ZNF347: variants seen among roughly 807,000 people sequenced by gnomAD.
ZNF347 encodes the protein zinc finger protein 347, also known as CTD-2620I22.7.
In ZNF347, 19 loss-of-function variants were observed where a neutral mutation model predicts 12.9. The ratio of observed to expected loss-of-function variants is 1.47; its 90% CI spans 1.03 to 2.16. ZNF347 has a LOEUF of 2.16. ZNF347 is among the 30% of genes most tolerant of loss of function. The pLI, the probability that ZNF347 is intolerant of heterozygous loss-of-function variation, is 0.00. For missense variants in ZNF347, 1,005 were observed against 990.6 expected, an observed-to-expected ratio of 1.01 and a Z score of -0.19; for synonymous variants, 328 against 340.6, an observed-to-expected ratio of 0.96 and a Z score of 0.41.
rs2090392101 is a variant in ZNF347, at chr19:53,137,167, T to A, written c.*3141A>T. On this transcript the variant is annotated 3_prime_UTR_variant, in exon 5 of 5. Transcript: ENST00000334197. ...TCCCAAAGTGCTGGGATTACAGGCA[T>A]GAGCCTGTAATTTCTGGCCATGCCT... The A allele has an allele frequency of 6.6e-6, 1 of 152,222 alleles. No individual in the cohort carries two copies. The highest frequency in any genetic ancestry group is 2.4e-5 in the African/African-American group (1 of 41,446). 9.4% of individuals were successfully genotyped at this position (152,222 alleles called of 1,614,324 possible). A position where few individuals can be genotyped will look rare whatever the true frequency, so the allele number is the denominator to read the frequency against.
intron 4 of ZNF347, among the ~76,000 whole-genome samples, chr19:53,145,317 A>G (rs1599855278): frequency 6.6e-6 from 1 of 151,782 alleles, no homozygotes; most frequent in East Asian, 1.9e-4. Flanking sequence ...GAAGATACAA[A>G]AACACATGGA....
chr19:53,152,388 C>T (rs530141160), intron 2 of ZNF347, among the ~76,000 whole-genome samples: 4 of 151,990 alleles, frequency 2.6e-5, no homozygotes, highest in Admixed American at 2.0e-4. Context: ...GGGCTGATCA[C>T]TTCAGGTCAA....
chr19:53,156,655 T>C (rs777767755), intron 1 of ZNF347, among the ~76,000 whole-genome samples: 5 of 152,184 alleles, frequency 3.3e-5, no homozygotes, highest in Non-Finnish European at 7.3e-5. Context: ...AGTGAAGTGT[T>C]TTCCCTGAGT....
At chr19:53,146,071 G>A (rs1412019582) in intron 4 of ZNF347, among the ~76,000 whole-genome samples, 2 of 151,956 alleles carry the variant, frequency 1.3e-5, no homozygotes, top group Non-Finnish European at 2.9e-5. Flanking sequence ...TGCCTCCCAA[G>A]TTCGAGAGAT....
intron 4 of ZNF347, among the ~76,000 whole-genome samples, chr19:53,146,165 G>C (rs184995068): frequency 2.2e-3 from 337 of 151,926 alleles, no homozygotes; most frequent in Non-Finnish European, 4.1e-3. Flanking sequence ...AGTAGAGATG[G>C]GGTTTCTCCA....
Position 53,141,963 on chromosome 19 carries a change from A to G in ZNF347, c.865T>C (p.Tyr289His). 6.2e-7 allele frequency: 1 copy of G among 1,614,036 alleles called. No individual in the cohort carries two copies. The highest frequency in any genetic ancestry group is 8.5e-7 in the Non-Finnish European group (1 of 1,179,996). Reference sequence around the variant, plus strand: ...GCTTTGCCACACTCATAACATTTGTAAGGTTTCTCTTTAGTATGACTTCTC... The same window carrying G: ...GCTTTGCCACACTCATAACATTTGTGAGGTTTCTCTTTAGTATGACTTCTC... The part of the protein sequence containing the change: ...HQRSHTKEKP[Y>H]KCYECGKAFR... The change falls in exon 5 of 5, where the codon TAC becomes CAC. Residue 289 changes from tyrosine to histidine, a missense_variant. Physicochemically the swap from Tyr to His is moderately conservative, Grantham distance 83 (BLOSUM62 2). Transcript: ENST00000334197.
At position 53,137,211 on chromosome 19, in the gene ZNF347, G is replaced by A. The variant is rs2584269; in HGVS notation, c.*3097C>T. 1 of 151,880 alleles carries A rather than the reference G, an allele frequency of 6.6e-6. No individual in the cohort carries two copies. The allele number at this position is 151,880 out of a possible 1,614,324, so 9.4% of individuals were successfully genotyped here. ...CATGCCTGGCCAGAAATCAGAAGTT[G>A]CAAGAGTAAATATTCAGTGTTGTAC... On this transcript the variant is annotated 3_prime_UTR_variant, in exon 5 of 5. Coordinates refer to ENST00000334197, the MANE Select transcript of ZNF347 (RefSeq NM_032584.3).
At chr19:53,142,745 A>C (rs2090438091) in intron 4 of ZNF347, among the ~76,000 whole-genome samples, 189 bp from the exon 5 acceptor site, 1 of 152,156 alleles carries the variant, frequency 6.6e-6, no homozygotes, top group Admixed American at 6.6e-5. Context: ...GGATTGTTTA[A>C]TAAAGTTGAT....
rs760615372 is a variant in ZNF347 at position 53,141,473 on chromosome 19, G to A, written c.1355C>T (p.Thr452Ile). ...SSLAIHLVIH[T>I]GEKPYKCHEC... ...ATGACATTTGTAAGGCTTTTCTCCGGTGTGAATTACCAGATGAATAGCTAG... is the reference window on the plus strand; with the variant it reads ...ATGACATTTGTAAGGCTTTTCTCCGATGTGAATTACCAGATGAATAGCTAG... Residue 452 changes from threonine to isoleucine, a missense_variant, in exon 5 of 5, where the codon ACC becomes ATC. Coordinates refer to ENST00000334197, the MANE Select transcript of ZNF347 (RefSeq NM_032584.3). 5 of 1,613,768 alleles carry A rather than the reference G, an allele frequency of 3.1e-6. No homozygotes were observed. The highest frequency in any genetic ancestry group is 3.4e-6 in the Non-Finnish European group (4 of 1,179,968).
At position 53,153,801 on chromosome 19, in the gene ZNF347, A is replaced by G; in HGVS notation, c.-46-8T>C. On this transcript the variant is annotated splice_region_variant and splice_polypyrimidine_tract_variant and intron_variant, in intron 1 of 4. Transcript: ENST00000334197. ...CTTCTTCAAGGGTTCTTCCTTAGGTAACAGGAAAGTGCCTTTAGAAGTCAA... is the reference window on the plus strand; with the variant it reads ...CTTCTTCAAGGGTTCTTCCTTAGGTGACAGGAAAGTGCCTTTAGAAGTCAA... 6.2e-7 allele frequency: 1 copy of G among 1,612,614 alleles called. No individual in the cohort carries two copies. The highest frequency in any genetic ancestry group is 1.3e-5 in the African/African-American group (1 of 75,000).
intron 1 of ZNF347, among the ~76,000 whole-genome samples, chr19:53,157,778 C>T (rs1162875436): frequency 6.6e-6 from 1 of 152,136 alleles, no homozygotes; most frequent in Non-Finnish European, 1.5e-5. Context: ...GCTTGTCTGC[C>T]CTGGCTCCAA....
intron 4 of ZNF347, among the ~76,000 whole-genome samples, chr19:53,147,038 G>A (rs888761604): frequency 6.6e-6 from 1 of 151,748 alleles, no homozygotes; most frequent in Non-Finnish European, 1.5e-5. Context: ...AAGTTTGAGA[G>A]CAGCCTGGGA....
At position 53,141,806 on chromosome 19, in the gene ZNF347, C is replaced by A; in HGVS notation, c.1022G>T (p.Gly341Val). 1 of 1,614,000 alleles carries A rather than the reference C, an allele frequency of 6.2e-7. No individual in the cohort carries two copies. The highest frequency in any genetic ancestry group is 8.5e-7 in the Non-Finnish European group (1 of 1,179,974). ...TTCGTTACATTTATAAGGTTTCTCTCCAGTGTGAATTTTCTGATGTTGTGA... is the reference window on the plus strand; with the variant it reads ...TTCGTTACATTTATAAGGTTTCTCTACAGTGTGAATTTTCTGATGTTGTGA... ...QLSQHQKIHTGEKPYKCNECG... is the reference protein window; with the variant it reads ...QLSQHQKIHTVEKPYKCNECG... The change falls in exon 5 of 5, where the codon GGA becomes GTA. Residue 341 changes from glycine to valine, a missense_variant. By Grantham distance (109) the Gly-to-Val change is moderately radical. Transcript: ENST00000334197.
chr19:53,140,454 G>T lies in ZNF347; in HGVS notation c.2374C>A (p.Pro792Thr). The change falls in exon 5 of 5, where the codon CCA (proline) becomes ACA (threonine). Residue 792 changes from proline to threonine, a missense_variant. By Grantham distance (38) the Pro-to-Thr change is conservative (BLOSUM62 -1). Transcript: ENST00000334197. Reference protein sequence around the residue: ...RHQRIHTGEKPYECGKPFSIC... With the variant: ...RHQRIHTGEKTYECGKPFSIC... ...CTAAAGGGTTTCCCACACTCATATG[G>T]TTTCTCTCCGGTATGAATTCTCTGA... 1 of 1,613,912 alleles carries T rather than the reference G, an allele frequency of 6.2e-7. No homozygotes were observed. The highest frequency in any genetic ancestry group is 1.1e-5 in the South Asian group (1 of 91,080).
At chr19:53,142,591 ATTG>A (rs776348012) in intron 4 of ZNF347, 35 bp from the exon 5 acceptor site, 462 of 1,455,732 alleles carry the variant, frequency 3.2e-4, no homozygotes, top group Middle Eastern at 1.4e-3. Context: ...TTTCCAATTA[ATTG>A]TAGTACGTAA....
At position 53,136,657 on chromosome 19, in the gene ZNF347, C is replaced by G. The variant is rs1394717335; in HGVS notation, c.*3651G>C. 1 of 152,078 alleles carries G rather than the reference C, an allele frequency of 6.6e-6. No homozygotes were observed. Among genetic ancestry groups the G allele is most frequent in the Non-Finnish European group, 1.5e-5 (1 of 68,018 alleles). The allele number at this position is 152,078 out of a possible 1,614,324, so 9.4% of individuals were successfully genotyped here. On this transcript the variant is annotated 3_prime_UTR_variant, in exon 5 of 5. Transcript: ENST00000334197. ...TGAACAAGACATGAATATAACACAG[C>G]CTTTGGAAAAATGCCCTTTGGCTAA...
rs1345086182 is a variant in ZNF347 at position 53,144,366 on chromosome 19, TA to T, written c.272-1811del. Among the ~76,000 whole-genome samples the T allele has an allele frequency of 2.6e-5, 4 of 152,028 alleles. No homozygotes were observed. In the South Asian group the frequency reaches 6.2e-4, roughly 24 times the overall value. ...AAAATAGACTTTAAGTCAATAAGTGTAAAAAGAGACAAAGTCAGTATATAAT... is the reference window on the plus strand; with the variant it reads ...AAAATAGACTTTAAGTCAATAAGTGTAAAAGAGACAAAGTCAGTATATAAT... On this transcript the variant is annotated intron_variant, in intron 4 of 4. Transcript: ENST00000334197.
intron 4 of ZNF347, among the ~76,000 whole-genome samples, chr19:53,147,706 C>G (rs1471988766): frequency 6.6e-6 from 1 of 152,068 alleles, no homozygotes; most frequent in Non-Finnish European, 1.5e-5. Flanking sequence ...AAAAAGCAGA[C>G]AAGGACACCA....
At chr19:53,144,349 C>T (rs959649290) in intron 4 of ZNF347, among the ~76,000 whole-genome samples, 7 of 151,994 alleles carry the variant, frequency 4.6e-5, no homozygotes, top group Non-Finnish European at 8.8e-5. Flanking sequence ...ATAAAATAGA[C>T]TTTAAGTCAA....
Sources: gnomAD v4.1 joint callset for allele counts (sites outside exome capture counted in the v4.1 genomes callset) on GRCh38, gnomAD v4.1.1 for gene constraint, MANE v1.5 for transcripts, NCBI Gene and HGNC (gene_info 2026-07-23, HGNC 2026-07-21) for gene names.